ZNF676: variants seen among roughly 807,000 people sequenced by gnomAD.
The protein encoded by ZNF676 is zinc finger protein 676.
Under a neutral mutation model 6.0 loss-of-function variants are expected in ZNF676, and 4 were observed. The observed-to-expected ratio is 0.67, with a 90% confidence interval of 0.33 to 1.53. The LOEUF (loss-of-function observed/expected upper bound fraction) is 1.53, where lower values mean the gene tolerates loss of function less well. Ranked by LOEUF, ZNF676 falls within the 40% of genes most tolerant of loss-of-function variation. The pLI is 0.06. For missense variants in ZNF676, 644 were observed against 679.7 expected, an observed-to-expected ratio of 0.95 and a Z score of 0.58; for synonymous variants, 198 against 223.1, an observed-to-expected ratio of 0.89 and a Z score of 1.00.
chr19:22,260,096 G>A, the ZNF676 span, among the ~76,000 whole-genome samples: 2 of 152,166 alleles, frequency 1.3e-5, no homozygotes, highest in African/African-American at 4.8e-5. Context: ...ATGGCAGGGT[G>A]TCCACAGTTC....
intron 1 of ZNF676, chr19:22,215,610 G>C: frequency 6.2e-7 from 1 of 1,610,564 alleles, no homozygotes; most frequent in Admixed American, 1.7e-5. Context: ...CTCTCTCAGT[G>C]TGTCGGACCC....
rs2023750213 is a variant in ZNF676 at position 22,181,456 on chromosome 19, A to G, written c.261T>C (p.Asn87=). ...CTTTGTGCACGTTACACTCATCCAC[A>G]TTGGTACAACTAATTTTTAAGTGTA... ...ENLHLKISCT[N]VDECNVHKEG... Residue 87 remains asparagine, a synonymous_variant, in exon 3 of 3, where the codon AAT becomes AAC. Coordinates refer to ENST00000397121, the MANE Select transcript of ZNF676 (RefSeq NM_001001411.3). 1 of 1,613,700 alleles carries G rather than the reference A, an allele frequency of 6.2e-7. No individual in the cohort carries two copies. The highest frequency in any genetic ancestry group is 8.5e-7 in the Non-Finnish European group (1 of 1,179,800).
At chr19:22,208,210 T>G (rs1033001730) in intron 1 of ZNF676, among the ~76,000 whole-genome samples, 1 of 151,178 alleles carries the variant, frequency 6.6e-6, no homozygotes, top group Admixed American at 6.6e-5. Context: ...TGACAAAGGT[T>G]TACTATCCAG....
In ZNF676 at chr19:22,204,277, A is replaced by T. The variant is rs2024055278; in HGVS notation, c.4-7551T>A. Reference sequence around the variant, plus strand: ...TTTTTGGGATAGCAGATATGAATATATAAGTATGAATAATTTTATGTACTA... The same window carrying T: ...TTTTTGGGATAGCAGATATGAATATTTAAGTATGAATAATTTTATGTACTA... On this transcript the variant is annotated intron_variant, in intron 1 of 3. Transcript: ENST00000650058. 2.0e-5 allele frequency among the ~76,000 whole-genome samples: 3 copies of T among 152,216 alleles called. No homozygotes were observed. In the South Asian group the frequency reaches 6.2e-4, roughly 31 times the overall value.
chr19:22,204,340 C>T (rs1405543239), intron 1 of ZNF676, among the ~76,000 whole-genome samples: 1 of 151,982 alleles, frequency 6.6e-6, no homozygotes, highest in African/African-American at 2.4e-5. Context: ...ATTATCTGAA[C>T]TATAATTCAG....
At chr19:22,249,272 C>T in the ZNF676 span, among the ~76,000 whole-genome samples, 15 of 152,008 alleles carry the variant, frequency 9.9e-5, no homozygotes, top group South Asian at 2.9e-3. Flanking sequence ...GTTTAGAGGG[C>T]TAAAGAGTTG....
intron 2 of ZNF676, among the ~76,000 whole-genome samples, chr19:22,186,563 C>T (rs1218854700): frequency 6.6e-6 from 1 of 152,088 alleles, no homozygotes; most frequent in Non-Finnish European, 1.5e-5. Context: ...AGGCTAAATG[C>T]CCCAATTAAA....
At chr19:22,215,530 T>C (rs1180791267) in intron 1 of ZNF676, 5 of 1,380,124 alleles carry the variant, frequency 3.6e-6, no homozygotes, top group Non-Finnish European at 4.1e-6. Context: ...GGAGAACTTG[T>C]GGAGCTGACT....
At chr19:22,201,840 A>G (rs1412715724), upstream of ZNF676, among the ~76,000 whole-genome samples, 1 of 151,874 alleles carries the variant, frequency 6.6e-6, no homozygotes, top group African/African-American at 2.4e-5. Context: ...AATTGATTGC[A>G]TATACATCAA....
At chr19:22,229,498 A>C in the ZNF676 span, among the ~76,000 whole-genome samples, 1 of 152,242 alleles carries the variant, frequency 6.6e-6, no homozygotes, top group African/African-American at 2.4e-5. Flanking sequence ...CAAAATTGAC[A>C]AATGGGACCT....
chr19:22,197,445 GC>G (rs1431100844), upstream of ZNF676, among the ~76,000 whole-genome samples: 23 of 150,422 alleles, frequency 1.5e-4, no homozygotes, highest in African/African-American at 5.7e-4. Flanking sequence ...TGTGCAATAA[GC>G]TAGAGATCCT....
the ZNF676 span, among the ~76,000 whole-genome samples, chr19:22,222,171 C>T: frequency 6.6e-6 from 1 of 151,980 alleles, no homozygotes; most frequent in Non-Finnish European, 1.5e-5. Flanking sequence ...GTGGTGTGAT[C>T]TTGGCTCACT....
chr19:22,242,292 C>T, the ZNF676 span, among the ~76,000 whole-genome samples: 6 of 151,862 alleles, frequency 4.0e-5, no homozygotes, highest in African/African-American at 1.5e-4. Context: ...ATAAAAGAAA[C>T]ATCACCTTAG....
chr19:22,182,293 T>A (rs2023767088), intron 2 of ZNF676, among the ~76,000 whole-genome samples: 1 of 152,136 alleles, frequency 6.6e-6, no homozygotes, highest in South Asian at 2.1e-4. Context: ...AGGACAAAGC[T>A]ACATTATAAA....
the ZNF676 span, among the ~76,000 whole-genome samples, chr19:22,249,270 G>A: frequency 1.3e-5 from 2 of 152,152 alleles, no homozygotes; most frequent in African/African-American, 4.8e-5. Flanking sequence ...TAGTTTAGAG[G>A]GCTAAAGAGT....
At chr19:22,244,038 C>CT in the ZNF676 span, 4,206 of 123,968 alleles carry the variant, frequency 0.034, 190 homozygotes, top group African/African-American at 0.11. Context: ...TCTTTCTTCT[C>CT]TTTTTTTTTT....
chr19:22,226,220 T>G, the ZNF676 span, among the ~76,000 whole-genome samples: 1 of 152,146 alleles, frequency 6.6e-6, no homozygotes. Context: ...AAGATCATTA[T>G]TTACAGAAGG....
chr19:22,256,704 G>A, the ZNF676 span, among the ~76,000 whole-genome samples: 1 of 152,096 alleles, frequency 6.6e-6, no homozygotes, highest in Non-Finnish European at 1.5e-5. Context: ...AGGCAAAATA[G>A]GAGTGTCACC....
the ZNF676 span, among the ~76,000 whole-genome samples, chr19:22,252,394 G>GAA: frequency 0.23 from 28,650 of 125,892 alleles, 3,391 homozygotes; most frequent in South Asian, 0.36. Context: ...GACTCTGTCT[G>GAA]AAAAAAAAAA....
Sources: gnomAD v4.1 joint callset for allele counts (sites outside exome capture counted in the v4.1 genomes callset) on GRCh38, gnomAD v4.1.1 for gene constraint, MANE v1.5 for transcripts, NCBI Gene and HGNC (gene_info 2026-07-23, HGNC 2026-07-21) for gene names.